Variants in RANGAP1 observed in about 807,000 individuals in gnomAD.
RANGAP1 encodes ran GTPase-activating protein 1.
A neutral mutation model predicts 63.5 loss-of-function variants in RANGAP1; 38 were observed. That is an observed-to-expected ratio of 0.60 (90% CI 0.46 to 0.78). The LOEUF is 0.78. RANGAP1 is among the 30% of genes least tolerant of loss of function. RANGAP1 has a pLI of 0.00. For missense variants in RANGAP1, 630 were observed against 740.3 expected (o/e 0.85, Z 1.73); for synonymous variants, 329 against 310.5 (o/e 1.06, Z -0.63).
intron 1 of RANGAP1, chr22:41,285,431 C>A (rs1433754793): frequency 1.1e-6 from 1 of 894,422 alleles, no homozygotes; most frequent in Non-Finnish European, 1.3e-6. Flanking sequence ...AGGATCAGCG[C>A]CAGAGCAAAA....
chr22:41,256,148 C>A, intron 9 of RANGAP1, 43 bp from the exon 10 acceptor site: 1 of 1,613,592 alleles, frequency 6.2e-7, no homozygotes, highest in Admixed American at 1.7e-5. Flanking sequence ...GGTGCCAGGG[C>A]CAGCCTAGCA....
At position 41,246,556 on chromosome 22, in the gene RANGAP1, C is replaced by T; in HGVS notation, c.*47G>A. 1 of 1,486,328 alleles carries T rather than the reference C, an allele frequency of 6.7e-7. No individual in the cohort carries two copies. Among genetic ancestry groups the T allele is most frequent in the Non-Finnish European group, 9.2e-7 (1 of 1,087,030 alleles). The allele number at this position is 1,486,328 out of a possible 1,614,324, so 92.1% of individuals were successfully genotyped here. A position where few individuals can be genotyped will look rare whatever the true frequency, so the allele number is the denominator to read the frequency against. ...GCTGCGCCTCAGTTCATCCGAGTCC[C>T]TCCCCAGCTCACTGGTCCAGGCCAA... On this transcript the variant is annotated 3_prime_UTR_variant, in exon 16 of 16. Transcript: ENST00000356244.
intron 15 of RANGAP1, 84 bp downstream of exon 15, chr22:41,249,246 G>A: frequency 6.7e-7 from 1 of 1,486,440 alleles, no homozygotes. Context: ...GCTGGGGCTG[G>A]GCCTCCCGGA....
At chr22:41,261,334 C>A in intron 6 of RANGAP1, 112 bp downstream of exon 6, 1 of 1,498,480 alleles carries the variant, frequency 6.7e-7, no homozygotes, top group Non-Finnish European at 9.0e-7. Flanking sequence ...GCACGTGACG[C>A]CCCAGGTCTC....
intron 2 of RANGAP1, among the ~76,000 whole-genome samples, chr22:41,279,209 G>T (rs1234979057): frequency 6.6e-6 from 1 of 151,882 alleles, no homozygotes; most frequent in Non-Finnish European, 1.5e-5. Flanking sequence ...AGTGGCTCAC[G>T]CCTGTTATCC....
chr22:41,248,724 C>T (rs2033223970), intron 15 of RANGAP1, among the ~76,000 whole-genome samples: 1 of 152,232 alleles, frequency 6.6e-6, no homozygotes, highest in Non-Finnish European at 1.5e-5. Flanking sequence ...CGACCCCTCC[C>T]TGGTGGGGCC....
intron 11 of RANGAP1, among the ~76,000 whole-genome samples, chr22:41,253,547 T>C (rs1378617571): frequency 6.6e-6 from 1 of 152,162 alleles, no homozygotes; most frequent in Non-Finnish European, 1.5e-5. Flanking sequence ...ACTGGAGGTG[T>C]GGCAGCCCTG....
Position 41,245,595 on chromosome 22 carries a change from A to C in RANGAP1, c.*1008T>G, listed in dbSNP as rs1359772508. The C allele has an allele frequency of 1.3e-5, 2 of 152,136 alleles. No homozygotes were observed. Among genetic ancestry groups the C allele is most frequent in the African/African-American group, 4.8e-5 (2 of 41,416 alleles). The allele number at this position is 152,136 out of a possible 1,614,324, so 9.4% of individuals were successfully genotyped here. ...CCCCGAGACTATCCCGCTTTCAGTG[A>C]GAGTTTCTGAGTCTCTGAAGCTGCC... On this transcript the variant is annotated 3_prime_UTR_variant, in exon 16 of 16. Transcript: ENST00000356244.
chr22:41,262,609 C>T (rs1013175707), intron 5 of RANGAP1, among the ~76,000 whole-genome samples: 2 of 152,170 alleles, frequency 1.3e-5, no homozygotes, highest in Middle Eastern at 3.2e-3. Flanking sequence ...CCTTGAGGAA[C>T]AGAAGAGCCA....
chr22:41,290,046 C>T (rs1047232515), upstream of RANGAP1, among the ~76,000 whole-genome samples: 4 of 151,526 alleles, frequency 2.6e-5, no homozygotes, highest in Non-Finnish European at 1.5e-5. Context: ...GAGGCTGATG[C>T]AGGAGGATCC....
the RANGAP1 span, among the ~76,000 whole-genome samples, chr22:41,293,992 A>C: frequency 6.6e-6 from 1 of 151,756 alleles, no homozygotes; most frequent in African/African-American, 2.4e-5. Context: ...AAACAAACAA[A>C]CAGCCCATCC....
chr22:41,260,154 T>C (rs889792244), intron 6 of RANGAP1, among the ~76,000 whole-genome samples: 4 of 152,078 alleles, frequency 2.6e-5, no homozygotes, highest in African/African-American at 4.8e-5. Context: ...TAGTAATAAA[T>C]AATAATGTTA....
chr22:41,293,319 G>A, the RANGAP1 span, among the ~76,000 whole-genome samples: 13 of 150,970 alleles, frequency 8.6e-5, no homozygotes, highest in Non-Finnish European at 1.5e-4. Flanking sequence ...GACTGACGGG[G>A]TAGGATTGCT....
intron 12 of RANGAP1, among the ~76,000 whole-genome samples, chr22:41,252,166 A>T (rs1483800653): frequency 6.6e-6 from 1 of 152,022 alleles, no homozygotes; most frequent in Non-Finnish European, 1.5e-5. Flanking sequence ...CCTCGTCTCT[A>T]CTAAAAAATA....
At chr22:41,252,819 C>G (rs1389302752) in intron 12 of RANGAP1, 53 bp downstream of exon 12, 2 of 1,472,218 alleles carry the variant, frequency 1.4e-6, no homozygotes, top group Non-Finnish European at 1.8e-6. Flanking sequence ...TTTTCTCTAA[C>G]AGCTCCAGAA....
chr22:41,280,023 G>A lies in RANGAP1; in HGVS notation c.112+910C>T, dbSNP rs541308295. ...TGAGGCAGGAGAACTGCTCGAACCC[G>A]TGAGGCAGAGGTTTGCAGTGAGCTG... On this transcript the variant is annotated intron_variant, in intron 2 of 15. Coordinates refer to ENST00000356244, the MANE Select transcript of RANGAP1 (RefSeq NM_002883.4). 8.5e-5 allele frequency among the ~76,000 whole-genome samples: 13 copies of A among 152,080 alleles called. No homozygotes were observed. The South Asian group carries it at 2.5e-3, about 29-fold the overall frequency.
intron 8 of RANGAP1, 69 bp downstream of exon 8, chr22:41,256,642 C>T (rs1235492299): frequency 1.4e-6 from 2 of 1,389,890 alleles, no homozygotes; most frequent in African/African-American, 2.8e-5. Flanking sequence ...CAGACCAGAC[C>T]CCTGTGCCCC....
chr22:41,257,800 T>C lies in RANGAP1; in HGVS notation c.774+148A>G. On this transcript the variant is annotated intron_variant, in intron 7 of 15. Transcript: ENST00000356244. This position sits in a 1 kb window ranked among gnomAD's most constrained non-coding sequence, Gnocchi z 4.0. ...GACCTGCAACCCTGTTCAGGACATG[T>C]TCAAAGAGCTGGAGCCATGGGGCAC... 2 of 1,008,926 alleles carry C rather than the reference T, an allele frequency of 2.0e-6. No individual in the cohort carries two copies. Among genetic ancestry groups the C allele is most frequent in the Non-Finnish European group, 2.8e-6 (2 of 721,550 alleles). The allele number at this position is 1,008,926 out of a possible 1,614,324, so 62.5% of individuals were successfully genotyped here. A position where few individuals can be genotyped will look rare whatever the true frequency, so the allele number is the denominator to read the frequency against.
intron 4 of RANGAP1, among the ~76,000 whole-genome samples, chr22:41,266,551 G>C (rs1444715858): frequency 6.6e-6 from 1 of 151,842 alleles, no homozygotes. Flanking sequence ...TTTTTTTTGA[G>C]ATGGAGTCTC....
Sources: gnomAD v4.1 joint callset for allele counts (sites outside exome capture counted in the v4.1 genomes callset) on GRCh38, gnomAD v4.1.1 for gene constraint, Gnocchi (gnomAD v3.1) non-coding constraint, MANE v1.5 for transcripts, NCBI Gene and HGNC (gene_info 2026-07-23, HGNC 2026-07-21) for gene names.